The following NFATC1 variants were observed in gnomAD, a reference collection of about 807,000 sequenced individuals.
The protein encoded by NFATC1 is nuclear factor of activated T-cells, cytoplasmic 1.
In NFATC1, 22 loss-of-function variants were observed where a neutral mutation model predicts 76.0. That is an observed-to-expected ratio of 0.29 (90% confidence interval 0.21 to 0.41). NFATC1 has a LOEUF of 0.41. Among genes scored for constraint, NFATC1 ranks in the 10% least tolerant of loss-of-function variants. The pLI is 1.00. For missense variants in NFATC1, 1,357 were observed against 1,337.7 expected (o/e 1.01, Z -0.23); for synonymous variants, 704 against 613.1 (o/e 1.15, Z -2.19).
intron 9 of NFATC1, among the ~76,000 whole-genome samples, chr18:79,515,207 T>C (rs2090349063): frequency 6.6e-6 from 1 of 151,464 alleles, no homozygotes; most frequent in Non-Finnish European, 1.5e-5. Context: ...TAGCTGGGTG[T>C]GGTGGCAGGT....
intron 2 of NFATC1, among the ~76,000 whole-genome samples, chr18:79,419,032 T>G (rs576131965): frequency 3.0e-4 from 46 of 152,220 alleles, no homozygotes; most frequent in African/African-American, 1.0e-3. Flanking sequence ...TTTGCTCAGA[T>G]ATTTTTTTTT....
intron 1 of NFATC1, among the ~76,000 whole-genome samples, chr18:79,408,385 A>C (rs1035897198): frequency 6.6e-6 from 1 of 152,240 alleles, no homozygotes; most frequent in Non-Finnish European, 1.5e-5. Context: ...TGTCATAAAA[A>C]GTCTTTTCAA....
chr18:79,418,188 G>A (rs1358677246), intron 2 of NFATC1, among the ~76,000 whole-genome samples: 2 of 152,100 alleles, frequency 1.3e-5, no homozygotes, highest in East Asian at 1.9e-4. Context: ...CAGCAGTTTC[G>A]TTGTGTGATG....
At chr18:79,415,764 T>C (rs1193661644) in intron 2 of NFATC1, among the ~76,000 whole-genome samples, 1 of 152,074 alleles carries the variant, frequency 6.6e-6, no homozygotes, top group Non-Finnish European at 1.5e-5. Context: ...TGCAATAACG[T>C]ATATTCAAAT....
chr18:79,490,766 G>C (rs890108642), intron 9 of NFATC1, among the ~76,000 whole-genome samples: 1 of 152,142 alleles, frequency 6.6e-6, no homozygotes, highest in Non-Finnish European at 1.5e-5. Context: ...CAACATGGCC[G>C]GGAAGGGTCC....
intron 2 of NFATC1, among the ~76,000 whole-genome samples, chr18:79,430,679 G>A (rs1031978061): frequency 1.1e-4 from 16 of 151,944 alleles, no homozygotes; most frequent in African/African-American, 2.4e-4. Flanking sequence ...CACCACGCCC[G>A]GCCATGAATT....
intron 9 of NFATC1, among the ~76,000 whole-genome samples, chr18:79,507,532 G>T (rs867419250): frequency 5.3e-5 from 8 of 152,220 alleles, no homozygotes; most frequent in Middle Eastern, 3.2e-3. Flanking sequence ...CAAGTGGATG[G>T]GTTTGCAGTT....
rs757980109 is a variant in NFATC1 at position 79,486,918 on chromosome 18, C to A, written c.2763C>A (p.Asp921Glu). The change falls in exon 9 of 10, where the codon GAC becomes GAA. Residue 921 changes from aspartate (D) to glutamate (E), a missense_variant. Asp to Glu is a conservative substitution (Grantham distance 45). Coordinates refer to ENST00000427363, the MANE Select transcript of NFATC1 (RefSeq NM_001278669.2). ...VTVKREPEELDQLYLDDVNEI... is the reference protein window; with the variant it reads ...VTVKREPEELEQLYLDDVNEI... ...TCAAGCGAGAGCCTGAAGAGTTGGA[C>A]CAGTTGTACCTGGATGACGGTGAGT... The A allele has an allele frequency of 2.5e-6, 4 of 1,599,766 alleles. No homozygotes were observed. Among genetic ancestry groups the A allele is most frequent in the Middle Eastern group, 3.3e-4 (2 of 6,010 alleles).
At chr18:79,432,068 C>T (rs768425259) in intron 2 of NFATC1, among the ~76,000 whole-genome samples, 5 of 152,118 alleles carry the variant, frequency 3.3e-5, no homozygotes, top group South Asian at 2.1e-4. Context: ...TCGGGGGGCT[C>T]GGGAGGCAGT....
chr18:79,433,599 A>T lies in NFATC1; in HGVS notation c.1247A>T (p.Asp416Val), dbSNP rs1340847526. The T allele has an allele frequency of 1.2e-6, 2 of 1,612,440 alleles. No homozygotes were observed. ...TCCAGCCCGACCCTGCCCGCCCTGG[A>T]CTGGCAGCTGCCGTCCCACTCAGGC... ...SYMSPTLPALDWQLPSHSGPY... is the reference protein window; with the variant it reads ...SYMSPTLPALVWQLPSHSGPY... The change falls in exon 3 of 10, where the codon GAC (aspartate) becomes GTC (valine). Residue 416 changes from aspartate (D) to valine (V), a missense_variant. Physicochemically the swap from Asp to Val is radical, Grantham distance 152 (BLOSUM62 -3). This residue lies in a region of NFATC1 where 691 missense variants were observed against 613.1 expected (regional missense o/e 1.13). Transcript: ENST00000427363.
chr18:79,523,711 C>G (rs914181200), intron 9 of NFATC1, among the ~76,000 whole-genome samples: 1 of 152,154 alleles, frequency 6.6e-6, no homozygotes, highest in Non-Finnish European at 1.5e-5. Context: ...GAGGGAGGCT[C>G]TCAGCCTGCA....
At chr18:79,399,391 G>A (rs1336083997) in intron 1 of NFATC1, among the ~76,000 whole-genome samples, 3 of 152,330 alleles carry the variant, frequency 2.0e-5, no homozygotes, top group South Asian at 4.1e-4. Context: ...CTTTGGGGTT[G>A]CCAGCCTTGA....
chr18:79,511,275 T>C (rs2090244943), intron 9 of NFATC1, among the ~76,000 whole-genome samples: 2 of 152,182 alleles, frequency 1.3e-5, no homozygotes, highest in Non-Finnish European at 2.9e-5. Flanking sequence ...GGGGTCAATA[T>C]GTCCTGAAGA....
rs563635811 is a variant in NFATC1 at position 79,510,136 on chromosome 18, C to A, written c.2783-17392C>A. ...TTTTCCAGATAACTCATAGCCCCCC[C>A]CAAGGAGGAAATTCAGACAGGACAG... On this transcript the variant is annotated intron_variant, in intron 9 of 9. Coordinates refer to ENST00000427363, the MANE Select transcript of NFATC1 (RefSeq NM_001278669.2). 3.3e-4 allele frequency among the ~76,000 whole-genome samples: 51 copies of A among 152,316 alleles called. No homozygotes were observed. In the South Asian group the frequency reaches 5.8e-3, roughly 17 times the overall value.
chr18:79,486,854 AG>A lies in NFATC1; in HGVS notation c.2701del (p.Asp901ThrfsTer11). ...CCACGGCTGCTGCCAGAGGTGCATG[AG>A]GACGGTAGTCCTAATTTGGCCCCTA... ...AGPRLLPEVH[E>X]DGSPNLAPIP... On this transcript the variant is annotated frameshift_variant, in exon 9 of 10. Coordinates refer to ENST00000427363, the MANE Select transcript of NFATC1 (RefSeq NM_001278669.2). LOFTEE classifies it high-confidence loss of function. 1 of 1,611,930 alleles carries A rather than the reference AG, an allele frequency of 6.2e-7. No individual in the cohort carries two copies. The highest frequency in any genetic ancestry group is 2.2e-5 in the East Asian group (1 of 44,844).
At chr18:79,456,422 G>A (rs1479242068) in intron 6 of NFATC1, among the ~76,000 whole-genome samples, 1 of 152,208 alleles carries the variant, frequency 6.6e-6, no homozygotes, top group African/African-American at 2.4e-5. Context: ...TTCAAGGCCA[G>A]GGGGAGGTTC....
chr18:79,501,060 CAGG>C (rs763532451), intron 9 of NFATC1, among the ~76,000 whole-genome samples: 9 of 152,026 alleles, frequency 5.9e-5, no homozygotes, highest in South Asian at 2.1e-4. Context: ...TTTATGAACA[CAGG>C]AGCAAAAATC....
intron 1 of NFATC1, among the ~76,000 whole-genome samples, chr18:79,407,691 C>T (rs1445979768): frequency 3.3e-5 from 5 of 152,206 alleles, no homozygotes; most frequent in Admixed American, 6.5e-5. Context: ...ATGATCCGCC[C>T]ACCTCGGCCT....
At chr18:79,488,989 C>G (rs2089601004) in intron 9 of NFATC1, among the ~76,000 whole-genome samples, 1 of 152,204 alleles carries the variant, frequency 6.6e-6, no homozygotes, top group Non-Finnish European at 1.5e-5. Context: ...GTGCTGGGGG[C>G]TGGGACGTGT....
Sources: allele counts gnomAD v4.1 joint callset (sites outside exome capture counted in the v4.1 genomes callset), GRCh38; gene constraint gnomAD v4.1.1; regional missense constraint gnomAD v4.1.1; transcripts MANE v1.5; gene names NCBI Gene and HGNC (gene_info 2026-07-23, HGNC 2026-07-21).